The following HIRA variants were observed in gnomAD, a reference collection of about 807,000 sequenced individuals.
HIRA encodes histone cell cycle regulator, also known as protein HIRA.
HIRA carries 13 observed loss-of-function variants against 126.6 expected under a neutral mutation model. The observed-to-expected ratio is 0.10, with a 90% CI of 0.07 to 0.16. HIRA has a LOEUF of 0.16. Among genes scored for constraint, HIRA ranks in the 10% least tolerant of loss-of-function variants. The pLI is 1.00. For synonymous variants in HIRA, 511 were observed against 520.0 expected, an observed-to-expected ratio of 0.98 and a Z score of 0.24; for missense variants, 834 against 1,314.4, an observed-to-expected ratio of 0.63 and a Z score of 5.65.
In HIRA at chr22:19,398,122, T is replaced by C. The variant is rs139759503; in HGVS notation, c.398-35A>G. The C allele has an allele frequency of 5.0e-5, 74 of 1,484,018 alleles. No individual in the cohort carries two copies. In the African/African-American group the frequency reaches 8.4e-4, roughly 17 times the overall value. 91.9% of individuals were successfully genotyped at this position (1,484,018 alleles called of 1,614,324 possible). A position where few individuals can be genotyped will look rare whatever the true frequency, so the allele number is the denominator to read the frequency against. Reference sequence around the variant, plus strand: ...GACAGAGGGTTCTGGTGAGATCTCTTACCTGGTGATGCCCTTGTCTATTAG... The same window carrying C: ...GACAGAGGGTTCTGGTGAGATCTCTCACCTGGTGATGCCCTTGTCTATTAG... On this transcript the variant is annotated intron_variant, in intron 5 of 24. Transcript: ENST00000263208.
intron 15 of HIRA, among the ~76,000 whole-genome samples, chr22:19,370,100 G>A (rs1201395241): frequency 2.0e-5 from 3 of 152,040 alleles, no homozygotes; most frequent in East Asian, 1.9e-4. Flanking sequence ...TCAGCCTCTC[G>A]CCACTACACT....
chr22:19,406,955 CAG>C (rs1172831886), intron 4 of HIRA, among the ~76,000 whole-genome samples: 1 of 152,166 alleles, frequency 6.6e-6, no homozygotes, highest in Non-Finnish European at 1.5e-5. Flanking sequence ...TAGAAGAGAT[CAG>C]ACTTTCCTTT....
chr22:19,363,847 G>A (rs145341525), intron 15 of HIRA, among the ~76,000 whole-genome samples: 35 of 152,122 alleles, frequency 2.3e-4, no homozygotes, highest in Admixed American at 1.3e-4. Flanking sequence ...GCAGTGAGCC[G>A]AGATGCGACT....
intron 24 of HIRA, among the ~76,000 whole-genome samples, chr22:19,347,848 A>G (rs1556009373): frequency 6.6e-6 from 1 of 152,220 alleles, no homozygotes; most frequent in African/African-American, 2.4e-5. Flanking sequence ...CTGAGGCAGG[A>G]GAATTGCTTG....
chr22:19,339,223 C>G (rs1374686346), intron 24 of HIRA, among the ~76,000 whole-genome samples: 1 of 152,030 alleles, frequency 6.6e-6, no homozygotes. Flanking sequence ...ACAATGAAAT[C>G]AAGATGGAAA....
chr22:19,403,513 G>A (rs1456909908), intron 5 of HIRA, among the ~76,000 whole-genome samples: 2 of 152,202 alleles, frequency 1.3e-5, no homozygotes, highest in Non-Finnish European at 2.9e-5. Context: ...TCAGGAGTCT[G>A]AGGCAGGAGA....
At chr22:19,402,703 G>A (rs2089278790) in intron 5 of HIRA, among the ~76,000 whole-genome samples, 1 of 152,146 alleles carries the variant, frequency 6.6e-6, no homozygotes, top group Admixed American at 6.5e-5. Context: ...CAAATTAAAT[G>A]ACAGCACCCA....
At chr22:19,405,946 T>C in intron 4 of HIRA, 66 bp from the exon 5 acceptor site, 3 of 1,045,148 alleles carry the variant, frequency 2.9e-6, no homozygotes, top group South Asian at 2.9e-5. Context: ...AAATGCTCCC[T>C]GCAGCCAGCT....
chr22:19,348,114 T>A (rs1288109893), intron 24 of HIRA, among the ~76,000 whole-genome samples: 1 of 152,174 alleles, frequency 6.6e-6, no homozygotes, highest in African/African-American at 2.4e-5. Flanking sequence ...AGCTTTGAGT[T>A]CCAGGCAGCC....
At chr22:19,386,227 C>A (rs900248021) in intron 11 of HIRA, among the ~76,000 whole-genome samples, 1 of 152,152 alleles carries the variant, frequency 6.6e-6, no homozygotes, top group African/African-American at 2.4e-5. Flanking sequence ...TATGGGAAGG[C>A]CTGGCACAGC....
chr22:19,383,551 G>A, intron 13 of HIRA, 69 bp downstream of exon 13: 1 of 1,258,508 alleles, frequency 7.9e-7, no homozygotes, highest in Non-Finnish European at 1.2e-6. Context: ...CACTGTGAAA[G>A]TGTTAACCGC....
chr22:19,399,019 C>T (rs2089245966), intron 5 of HIRA: 1 of 577,948 alleles, frequency 1.7e-6, no homozygotes, highest in South Asian at 7.5e-5. Flanking sequence ...AACCTATCCT[C>T]ATAGGGTCAC....
chr22:19,341,157 T>C (rs1556007431), intron 24 of HIRA, among the ~76,000 whole-genome samples: 2 of 148,270 alleles, frequency 1.3e-5, no homozygotes, highest in East Asian at 4.0e-4. Context: ...CTCTACAAAA[T>C]ATACAAAAAT....
intron 2 of HIRA, among the ~76,000 whole-genome samples, chr22:19,409,120 A>C (rs2089330325): frequency 6.6e-6 from 1 of 152,146 alleles, no homozygotes; most frequent in Non-Finnish European, 1.5e-5. Flanking sequence ...TGAGACCCAA[A>C]TGTACCCTGA....
At chr22:19,413,911 G>A (rs1379282655) in intron 1 of HIRA, among the ~76,000 whole-genome samples, 4 of 151,838 alleles carry the variant, frequency 2.6e-5, no homozygotes, top group East Asian at 1.9e-4. Context: ...CACCGTGCCC[G>A]GCCAGGAATG....
intron 1 of HIRA, among the ~76,000 whole-genome samples, chr22:19,418,387 G>A (rs1359341960): frequency 6.6e-6 from 1 of 152,070 alleles, no homozygotes; most frequent in Non-Finnish European, 1.5e-5. Flanking sequence ...CACTTTGGGA[G>A]GCTGAGGCGG....
chr22:19,386,085 C>A (rs904111529), intron 11 of HIRA, among the ~76,000 whole-genome samples: 1 of 152,208 alleles, frequency 6.6e-6, no homozygotes, highest in Non-Finnish European at 1.5e-5. Context: ...ACTTAAGGCT[C>A]TTAAATCACT....
chr22:19,418,161 A>G (rs1175169619), intron 1 of HIRA, among the ~76,000 whole-genome samples: 1 of 152,228 alleles, frequency 6.6e-6, no homozygotes, highest in Non-Finnish European at 1.5e-5. Flanking sequence ...CTGGCTGCAC[A>G]ATAATGTGAA....
chr22:19,376,153 C>A (rs2089016887), intron 14 of HIRA, among the ~76,000 whole-genome samples: 2 of 152,162 alleles, frequency 1.3e-5, no homozygotes, highest in African/African-American at 4.8e-5. Context: ...CAGCCACTCA[C>A]CTTTCCCACT....
Sources: gnomAD v4.1 joint callset for allele counts (sites outside exome capture counted in the v4.1 genomes callset) on GRCh38, gnomAD v4.1.1 for gene constraint, MANE v1.5 for transcripts, NCBI Gene and HGNC (gene_info 2026-07-23, HGNC 2026-07-21) for gene names.